Variants in IQCH observed in about 807,000 individuals in gnomAD.
The protein encoded by IQCH is IQ motif containing H.
In IQCH, 98 loss-of-function variants were observed where a neutral mutation model predicts 117.0. The observed-to-expected ratio is 0.84, with a 90% CI of 0.71 to 0.99. The LOEUF (loss-of-function observed/expected upper bound fraction) is 0.99, where lower values mean the gene tolerates loss of function less well. Ranked by LOEUF, IQCH falls within the 50% of genes least tolerant of loss-of-function variation. IQCH has a pLI of 0.00. For missense variants in IQCH, 1,102 were observed against 1,243.8 expected (o/e 0.89, Z 1.72); for synonymous variants, 412 against 448.2 (o/e 0.92, Z 1.02).
intron 20 of IQCH, among the ~76,000 whole-genome samples, chr15:67,495,448 T>C (rs905005379): frequency 6.6e-6 from 1 of 152,198 alleles, no homozygotes; most frequent in Non-Finnish European, 1.5e-5. Context: ...AGGGATCTTG[T>C]CTTGGCCTCT....
In IQCH at chr15:67,269,534, G is replaced by A. The variant is rs939266740; in HGVS notation, c.269+6318G>A. On this transcript the variant is annotated intron_variant, in intron 3 of 20. Coordinates refer to ENST00000335894, the MANE Select transcript of IQCH (RefSeq NM_001031715.3). ...TAGCTATTTTGAAATGTACAGTAGA[G>A]TAGTGTTAACTATAGTCACCCTATT... 3.3e-5 allele frequency among the ~76,000 whole-genome samples: 5 copies of A among 152,290 alleles called. No homozygotes were observed. The East Asian group carries it at 9.6e-4, about 29-fold the overall frequency.
chr15:67,299,647 A>G (rs981642235), intron 4 of IQCH, among the ~76,000 whole-genome samples: 1 of 152,174 alleles, frequency 6.6e-6, no homozygotes, highest in Non-Finnish European at 1.5e-5. Flanking sequence ...GTCATTTGTC[A>G]TATAGGTTCT....
Position 67,494,290 on chromosome 15 carries a change from T to C in IQCH, c.2894T>C (p.Met965Thr), listed in dbSNP as rs569975447. ...TIGEDLQGVL[M>T]TFARHLFIIH... ...GGCGAGGATCTCCAGGGGGTCCTCA[T>C]GACCTTTGCTCGCCATCTCTTCATC... The change falls in exon 20 of 21, where the codon ATG (methionine) becomes ACG (threonine). Residue 965 changes from methionine to threonine, a missense_variant. Coordinates refer to ENST00000335894, the MANE Select transcript of IQCH (RefSeq NM_001031715.3). The surrounding 1 kb of genome is among the most constrained non-coding windows in gnomAD (Gnocchi z 5.5). 4.3e-6 allele frequency: 7 copies of C among 1,613,026 alleles called. No individual in the cohort carries two copies. In the African/African-American group the frequency reaches 8.0e-5, roughly 18 times the overall value.
At chr15:67,394,591 A>G (rs371715732) in intron 12 of IQCH, among the ~76,000 whole-genome samples, 1 of 152,202 alleles carries the variant, frequency 6.6e-6, no homozygotes, top group East Asian at 1.9e-4. Flanking sequence ...ACTAGCTAGA[A>G]TTATTTATTT....
chr15:67,372,635 C>G lies in IQCH; in HGVS notation c.1278C>G (p.His426Gln), dbSNP rs745321973. ...KKILKESRQR[H>Q]LENFRIRAKH... ...TACTAAAGGAATCACGTCAGAGACA[C>G]CTGGAGAATTTTCGCATTCGAGCCA... The change falls in exon 9 of 21, where the codon CAC (histidine) becomes CAG (glutamine). Residue 426 changes from histidine to glutamine, a missense_variant. This residue lies in a region of IQCH where 650 missense variants were observed against 794.3 expected (regional missense o/e 0.82). Transcript: ENST00000335894. The G allele has an allele frequency of 5.6e-6, 9 of 1,606,366 alleles. No homozygotes were observed. The Admixed American group carries it at 1.4e-4, about 24-fold the overall frequency.
At chr15:67,351,981 G>A (rs984136625) in intron 6 of IQCH, among the ~76,000 whole-genome samples, 27 of 151,770 alleles carry the variant, frequency 1.8e-4, no homozygotes, top group African/African-American at 6.3e-4. Flanking sequence ...AATATATTTT[G>A]ATAATATTTC....
Position 67,425,316 on chromosome 15 carries a change from A to G in IQCH, c.2505+3739A>G, listed in dbSNP as rs2081856853. On this transcript the variant is annotated intron_variant, in intron 16 of 20. Transcript: ENST00000335894. This position sits in a 1 kb window ranked among gnomAD's most constrained non-coding sequence, Gnocchi z 5.5. ...ATTTTTGGCCATGTTTCTCCACCAT[A>G]AAAATTACTATTTCTGGCCAGGTGC... Among the ~76,000 whole-genome samples the G allele has an allele frequency of 6.6e-6, 1 of 152,152 alleles. No individual in the cohort carries two copies. The highest frequency in any genetic ancestry group is 2.4e-5 in the African/African-American group (1 of 41,434).
rs1202816656 is a variant in IQCH, at chr15:67,387,934, C to A, written c.1457-897C>A. 6.6e-6 allele frequency among the ~76,000 whole-genome samples: 1 copy of A among 152,186 alleles called. No homozygotes were observed. The highest frequency in any genetic ancestry group is 1.9e-4 in the East Asian group (1 of 5,190). On this transcript the variant is annotated intron_variant, in intron 11 of 20. Transcript: ENST00000335894. This position sits in a 1 kb window ranked among gnomAD's most constrained non-coding sequence, Gnocchi z 4.8. ...CGTTTACAGTGCTCCCTCCTCTGAA[C>A]TTCTCTAAGTACCTGGTCTGCATGC...
chr15:67,415,844 G>C (rs553249673), intron 14 of IQCH, among the ~76,000 whole-genome samples: 1 of 152,150 alleles, frequency 6.6e-6, no homozygotes, highest in Admixed American at 6.5e-5. Context: ...CCAGTACCCT[G>C]TCTCACTTCT....
chr15:67,418,127 C>T lies in IQCH; in HGVS notation c.2218+1076C>T, dbSNP rs142691284. Among the ~76,000 whole-genome samples, 30 of 152,264 alleles carry T rather than the reference C, an allele frequency of 2.0e-4. No individual in the cohort carries two copies. The East Asian group carries it at 3.1e-3, about 16-fold the overall frequency. ...AAAAGATTAACCCCAAATCACTCTG[C>T]TAACACGTAGAAGAGCCCATGAAAA... On this transcript the variant is annotated intron_variant, in intron 15 of 20. Coordinates refer to ENST00000335894, the MANE Select transcript of IQCH (RefSeq NM_001031715.3).
In IQCH at chr15:67,376,181, G is replaced by A. The variant is rs901250594; in HGVS notation, c.1372+2748G>A. 2.6e-5 allele frequency among the ~76,000 whole-genome samples: 4 copies of A among 152,088 alleles called. No individual in the cohort carries two copies. Among genetic ancestry groups the A allele is most frequent in the South Asian group, 2.1e-4 (1 of 4,820 alleles). On this transcript the variant is annotated intron_variant, in intron 10 of 20. Coordinates refer to ENST00000335894, the MANE Select transcript of IQCH (RefSeq NM_001031715.3). The surrounding 1 kb of genome is among the most constrained non-coding windows in gnomAD (Gnocchi z 5.0). ...TATTCCACAGATAGAATTCTCAAAC[G>A]ATGTATATATTTTTAAGGATATAGG...
intron 4 of IQCH, among the ~76,000 whole-genome samples, chr15:67,285,108 C>A (rs752122506): frequency 6.6e-6 from 1 of 152,150 alleles, no homozygotes; most frequent in Admixed American, 6.5e-5. Flanking sequence ...TCTGCAACCT[C>A]GCCAGCATCT....
chr15:67,357,574 G>A (rs1969944415), intron 7 of IQCH, among the ~76,000 whole-genome samples, 153 bp downstream of exon 7: 1 of 152,150 alleles, frequency 6.6e-6, no homozygotes, highest in Non-Finnish European at 1.5e-5. Context: ...CTTTCAAAAG[G>A]GGAATTGTAC....
intron 6 of IQCH, among the ~76,000 whole-genome samples, chr15:67,344,839 CAG>C (rs1242766844): frequency 6.6e-6 from 1 of 152,154 alleles, no homozygotes; most frequent in Admixed American, 6.5e-5. Flanking sequence ...AATTAAAAGA[CAG>C]AGATTGTCAG....
intron 4 of IQCH, among the ~76,000 whole-genome samples, chr15:67,303,537 G>C (rs1428972177): frequency 6.6e-6 from 1 of 152,078 alleles, no homozygotes; most frequent in African/African-American, 2.4e-5. Flanking sequence ...GAATCCCAAA[G>C]CTTGGGCATG....
intron 8 of IQCH, among the ~76,000 whole-genome samples, chr15:67,371,051 A>G (rs561610630): frequency 6.4e-4 from 98 of 152,306 alleles, no homozygotes; most frequent in Non-Finnish European, 1.1e-3. Flanking sequence ...GGGCTTATAC[A>G]TCTGAGAACG....
At position 67,376,672 on chromosome 15, in the gene IQCH, T is replaced by G. The variant is rs1212191273; in HGVS notation, c.1372+3239T>G. Among the ~76,000 whole-genome samples the G allele has an allele frequency of 1.3e-5, 2 of 152,258 alleles. No homozygotes were observed. Among genetic ancestry groups the G allele is most frequent in the African/African-American group, 4.8e-5 (2 of 41,468 alleles). On this transcript the variant is annotated intron_variant, in intron 10 of 20. Coordinates refer to ENST00000335894, the MANE Select transcript of IQCH (RefSeq NM_001031715.3). The surrounding 1 kb of genome is among the most constrained non-coding windows in gnomAD (Gnocchi z 5.0). ...GGTTATTTATGCAGTTTTGCACACA[T>G]GGGAATAATTGCATTTTCCAAACTG...
At chr15:67,258,687 T>G (rs1204284079) in intron 1 of IQCH, among the ~76,000 whole-genome samples, 3 of 152,360 alleles carry the variant, frequency 2.0e-5, no homozygotes, top group African/African-American at 7.2e-5. Context: ...AAATCTTTGC[T>G]GCATTAAATC....
At position 67,422,751 on chromosome 15, in the gene IQCH, C is replaced by G. The variant is rs764084272; in HGVS notation, c.2505+1174C>G. ...ACTATTCAGGATAAATCATCTTTAA[C>G]CTTTTTCACTTTGCTTTTCCCACCT... is the stretch of plus-strand genomic sequence containing the variant. On this transcript the variant is annotated intron_variant, in intron 16 of 20. Transcript: ENST00000335894. This position sits in a 1 kb window ranked among gnomAD's most constrained non-coding sequence, Gnocchi z 4.7. 6.6e-6 allele frequency among the ~76,000 whole-genome samples: 1 copy of G among 152,140 alleles called. No individual in the cohort carries two copies. The highest frequency in any genetic ancestry group is 1.5e-5 in the Non-Finnish European group (1 of 68,028).
Sources: allele counts gnomAD v4.1 joint callset (sites outside exome capture counted in the v4.1 genomes callset), GRCh38; gene constraint gnomAD v4.1.1; regional missense constraint gnomAD v4.1.1; non-coding constraint Gnocchi (gnomAD v3.1); transcripts MANE v1.5; gene names NCBI Gene and HGNC (gene_info 2026-07-23, HGNC 2026-07-21).